Variants in NRXN3 observed in about 807,000 individuals in gnomAD.
NRXN3 encodes the protein neurexin 3, also known as neurexin III.
A neutral mutation model predicts 137.6 loss-of-function variants in NRXN3; 32 were observed. The observed-to-expected ratio is 0.23, with a 90% confidence interval of 0.18 to 0.31. The LOEUF (loss-of-function observed/expected upper bound fraction) is 0.31. NRXN3 is among the 10% of genes least tolerant of loss of function. NRXN3 has a pLI of 1.00. For synonymous variants in NRXN3, 798 were observed against 784.5 expected, an observed-to-expected ratio of 1.02 and a Z score of -0.29; for missense variants, 1,574 against 2,062.5, an observed-to-expected ratio of 0.76 and a Z score of 4.59.
intron 15 of NRXN3, among the ~76,000 whole-genome samples, chr14:79,295,251 T>C (rs2083868490): frequency 6.6e-6 from 1 of 152,166 alleles, no homozygotes; most frequent in Non-Finnish European, 1.5e-5. Context: ...TTCTCTGGGA[T>C]GTTTTCATCC....
chr14:78,217,650 T>G (rs1224640786), intron 1 of NRXN3, among the ~76,000 whole-genome samples: 1 of 152,218 alleles, frequency 6.6e-6, no homozygotes. Flanking sequence ...ATTCTCTTAA[T>G]GTATATAAAT....
intron 4 of NRXN3, among the ~76,000 whole-genome samples, chr14:78,306,821 T>C (rs2077417833): frequency 6.6e-6 from 1 of 152,152 alleles, no homozygotes; most frequent in Non-Finnish European, 1.5e-5. Flanking sequence ...GCCAACGATA[T>C]GCTAGGTGCT....
chr14:78,247,228 A>C (rs2067825280), intron 2 of NRXN3, among the ~76,000 whole-genome samples: 1 of 152,182 alleles, frequency 6.6e-6, no homozygotes, highest in Admixed American at 6.5e-5. Context: ...AAGAATGTGC[A>C]GGCCCATCTC....
intron 4 of NRXN3, among the ~76,000 whole-genome samples, chr14:78,374,642 C>T (rs376631763): frequency 2.6e-5 from 4 of 151,774 alleles, no homozygotes; most frequent in African/African-American, 4.8e-5. Context: ...TGGTATCCTT[C>T]GCCTATAATC....
chr14:79,159,767 G>A (rs2060587587), intron 15 of NRXN3, among the ~76,000 whole-genome samples: 1 of 151,736 alleles, frequency 6.6e-6, no homozygotes, highest in South Asian at 2.1e-4. Context: ...TCTGATAGGA[G>A]CACTTTTAAA....
At chr14:79,528,985 C>T (rs1168370668) in intron 16 of NRXN3, among the ~76,000 whole-genome samples, 2 of 152,054 alleles carry the variant, frequency 1.3e-5, no homozygotes, top group Non-Finnish European at 2.9e-5. Flanking sequence ...ACAATGGGGA[C>T]ATGTATGTTA....
chr14:78,314,827 TCATTTTTCTATTACACA>T (rs964981910), intron 4 of NRXN3, among the ~76,000 whole-genome samples: 3 of 152,122 alleles, frequency 2.0e-5, no homozygotes, highest in African/African-American at 7.2e-5. Flanking sequence ...CACTTCTCAT[TCATTTTTCTATTACACA>T]CATGTATGTG....
At chr14:78,765,140 G>T (rs2098704823) in intron 8 of NRXN3, among the ~76,000 whole-genome samples, 1 of 152,026 alleles carries the variant, frequency 6.6e-6, no homozygotes, top group South Asian at 2.1e-4. Context: ...CTTCTTGTTT[G>T]CCTGGTGTCC....
chr14:79,644,388 G>T (rs2153964200), intron 16 of NRXN3, among the ~76,000 whole-genome samples: 1 of 135,768 alleles, frequency 7.4e-6, no homozygotes, highest in Non-Finnish European at 1.7e-5. Context: ...AGAAGGTTTG[G>T]GGATGCATAT....
intron 20 of NRXN3, among the ~76,000 whole-genome samples, chr14:79,815,478 G>A (rs1476194927): frequency 1.3e-5 from 2 of 152,070 alleles, no homozygotes; most frequent in Non-Finnish European, 2.9e-5. Flanking sequence ...TTTCTTAAGG[G>A]TAAGGGGAAA....
chr14:79,607,893 A>C (rs2098042950), intron 16 of NRXN3, among the ~76,000 whole-genome samples: 1 of 151,768 alleles, frequency 6.6e-6, no homozygotes, highest in Non-Finnish European at 1.5e-5. Flanking sequence ...CTGGTCTAGA[A>C]CTCCTAGACT....
At chr14:78,582,442 A>C (rs1457848813) in intron 4 of NRXN3, among the ~76,000 whole-genome samples, 5 of 152,326 alleles carry the variant, frequency 3.3e-5, no homozygotes, top group South Asian at 4.1e-4. Flanking sequence ...TCCCCTTCAA[A>C]ACTCATGTAA....
chr14:79,261,487 G>A (rs902088279), intron 15 of NRXN3, among the ~76,000 whole-genome samples: 5 of 152,026 alleles, frequency 3.3e-5, no homozygotes, highest in Non-Finnish European at 4.4e-5. Flanking sequence ...TGGAAGAGGA[G>A]GCAGTTAAGC....
rs116870736 is a variant in NRXN3 at position 78,985,161 on chromosome 14, C to T, written c.3143-2861C>T. On this transcript the variant is annotated intron_variant, in intron 14 of 20. Coordinates refer to ENST00000335750, the MANE Select transcript of NRXN3 (RefSeq NM_001330195.2). ...TACTTTGCAGAGTGCAGACATGCTC[C>T]TACACTCAGGTTTTGGAAGCATGAT... Among the ~76,000 whole-genome samples the T allele has an allele frequency of 7.0e-4, 107 of 152,282 alleles. 1 individual carries two copies. In the East Asian group the frequency reaches 0.019, roughly 27 times the overall value.
At chr14:78,963,400 T>G (rs948704056) in intron 11 of NRXN3, among the ~76,000 whole-genome samples, 4 of 152,080 alleles carry the variant, frequency 2.6e-5, no homozygotes, top group East Asian at 1.9e-4. Flanking sequence ...ACTAGCAGCA[T>G]CATCATAGTT....
intron 4 of NRXN3, chr14:78,403,933 TG>T (rs1481382441): frequency 1.6e-5 from 15 of 944,814 alleles, no homozygotes; most frequent in Non-Finnish European, 1.9e-5. Flanking sequence ...GCGGTGGGGG[TG>T]GGCTGTTCCC....
At chr14:79,831,734 T>C (rs951643133) in intron 20 of NRXN3, among the ~76,000 whole-genome samples, 1 of 152,126 alleles carries the variant, frequency 6.6e-6, no homozygotes, top group Non-Finnish European at 1.5e-5. Flanking sequence ...CTGCAACAGC[T>C]AATACAGTGT....
rs80008021 is a variant in NRXN3, at chr14:79,270,544, C to T, written c.3263-196677C>T. ...AAGCTCTCTGGCCCTGGAATTTAAG[C>T]TGTCTGGCTCTAGGACTAGGCCCTC... On this transcript the variant is annotated intron_variant, in intron 15 of 20. Coordinates refer to ENST00000335750, the MANE Select transcript of NRXN3 (RefSeq NM_001330195.2). Among the ~76,000 whole-genome samples the T allele has an allele frequency of 7.6e-3, 1,157 of 152,236 alleles. 23 individuals are homozygous for T. In the South Asian group the frequency reaches 0.078, roughly 10 times the overall value.
intron 15 of NRXN3, among the ~76,000 whole-genome samples, chr14:79,196,023 A>G (rs1368300985): frequency 2.0e-5 from 3 of 152,286 alleles, no homozygotes; most frequent in Non-Finnish European, 1.5e-5. Flanking sequence ...ACACCCACTT[A>G]AGAAAAATAC....
Sources: allele counts gnomAD v4.1 joint callset (sites outside exome capture counted in the v4.1 genomes callset), GRCh38; gene constraint gnomAD v4.1.1; transcripts MANE v1.5; gene names NCBI Gene and HGNC (gene_info 2026-07-23, HGNC 2026-07-21).